RRP12: variants seen among roughly 807,000 people sequenced by gnomAD.
RRP12 encodes the protein ribosomal RNA processing 12 homolog.
RRP12 carries 78 observed loss-of-function variants against 157.3 expected under a neutral mutation model. The ratio of observed to expected loss-of-function variants is 0.50; its 90% CI spans 0.41 to 0.60. RRP12 has a LOEUF of 0.60. Ranked by LOEUF, RRP12 falls within the 20% of genes least tolerant of loss-of-function variation. RRP12 has a pLI of 0.00. For missense variants in RRP12, 1,521 were observed against 1,679.9 expected, an observed-to-expected ratio of 0.91 and a Z score of 1.65; for synonymous variants, 726 against 670.9, an observed-to-expected ratio of 1.08 and a Z score of -1.27.
chr10:97,364,646 C>T (rs1198597424), intron 29 of RRP12, among the ~76,000 whole-genome samples: 1 of 152,178 alleles, frequency 6.6e-6, no homozygotes, highest in Non-Finnish European at 1.5e-5. Flanking sequence ...AAACTCAGGA[C>T]ATGGAGACTG....
intron 29 of RRP12, among the ~76,000 whole-genome samples, chr10:97,364,328 T>C (rs1260816388): frequency 6.6e-6 from 1 of 152,156 alleles, no homozygotes; most frequent in Non-Finnish European, 1.5e-5. Context: ...CCATGCAGTA[T>C]GTGCTGGGCT....
In RRP12 at chr10:97,358,584, C is replaced by G. The variant is rs765329608; in HGVS notation, c.3744G>C (p.Pro1248=). 3.1e-6 allele frequency: 5 copies of G among 1,613,950 alleles called. No individual in the cohort carries two copies. Among genetic ancestry groups the G allele is most frequent in the Non-Finnish European group, 4.2e-6 (5 of 1,179,944 alleles). The change falls in exon 33 of 34, where the codon CCG becomes CCC. Residue 1248 remains proline, a synonymous_variant. Coordinates refer to ENST00000370992, the MANE Select transcript of RRP12 (RefSeq NM_015179.4). Reference sequence around the variant, plus strand: ...TGAGGGGGATGTAGGCATAGGGATCCGGCCGGCCTTTCTTCTTCACATCAC... The same window carrying G: ...TGAGGGGGATGTAGGCATAGGGATCGGGCCGGCCTTTCTTCTTCACATCAC... ...AKGDVKKKGR[P]DPYAYIPLNR... is the part of the protein sequence containing the mutation.
rs367901789 is a variant in RRP12 at position 97,373,666 on chromosome 10, C to G, written c.1935G>C (p.Arg645=). 1.4e-5 allele frequency: 23 copies of G among 1,613,838 alleles called. No individual in the cohort carries two copies. The African/African-American group carries it at 3.1e-4, about 22-fold the overall frequency. Residue 645 remains arginine, a synonymous_variant, in exon 17 of 34, where the codon CGG becomes CGC. Transcript: ENST00000370992. ...DVAISFKGLA[R]TLGMAISERP... is the part of the protein sequence containing the mutation. Reference sequence around the variant, plus strand: ...GCTCGCTGATGGCCATGCCCAGCGTCCGTGCCAGCCCTTTGAAGGAGATGG... The same window carrying G: ...GCTCGCTGATGGCCATGCCCAGCGTGCGTGCCAGCCCTTTGAAGGAGATGG...
intron 4 of RRP12, among the ~76,000 whole-genome samples, chr10:97,392,692 TCTA>T (rs1482852079): frequency 1.1e-4 from 15 of 134,608 alleles, no homozygotes; most frequent in Admixed American, 1.5e-4. Flanking sequence ...TCATTTTCTT[TCTA>T]TTTTTTTTTT....
At chr10:97,358,160 C>T (rs1316113016) in intron 33 of RRP12, among the ~76,000 whole-genome samples, 1 of 151,636 alleles carries the variant, frequency 6.6e-6, no homozygotes, top group African/African-American at 2.4e-5. Context: ...CGGTGAAACC[C>T]CATCTCTACT....
chr10:97,400,217 C>A, intron 2 of RRP12, 88 bp downstream of exon 2: 1 of 938,772 alleles, frequency 1.1e-6, no homozygotes, highest in Non-Finnish European at 1.7e-6. Context: ...CAGCTGTTGT[C>A]ATCGGAGACC....
rs1354913408 is a variant in RRP12, at chr10:97,383,023, A to C, written c.1209-1197T>G. On this transcript the variant is annotated intron_variant, in intron 10 of 33. Coordinates refer to ENST00000370992, the MANE Select transcript of RRP12 (RefSeq NM_015179.4). ...GTGATCTGCCCATCTCGGTCTCCTA[A>C]AGTGCTGGGATTATAAGCGTGAGCC... Among the ~76,000 whole-genome samples, 4 of 152,152 alleles carry C rather than the reference A, an allele frequency of 2.6e-5. No individual in the cohort carries two copies. The East Asian group carries it at 5.8e-4, about 22-fold the overall frequency.
In RRP12 at chr10:97,388,539, G is replaced by A. The variant is rs146832996; in HGVS notation, c.839C>T (p.Ala280Val). 625 of 1,614,226 alleles carry A rather than the reference G, an allele frequency of 3.9e-4. 2 individuals carry two copies. In the South Asian group the frequency reaches 5.4e-3, roughly 14 times the overall value. Residue 280 changes from alanine (A) to valine (V), a missense_variant, in exon 7 of 34, where the codon GCT (alanine) becomes GTT (valine). Ala to Val is a moderately conservative substitution (Grantham distance 64). Coordinates refer to ENST00000370992, the MANE Select transcript of RRP12 (RefSeq NM_015179.4). ...MFEKAPAHHP[A>V]AISTAKFCIQ... ...GCAGAACTTGGCAGTGGAAATGGCA[G>A]CAGGATGATGGGCAGGGGCCTTTTC...
intron 30 of RRP12, among the ~76,000 whole-genome samples, chr10:97,362,511 G>A (rs1187958357): frequency 6.6e-6 from 1 of 152,182 alleles, no homozygotes; most frequent in Non-Finnish European, 1.5e-5. Flanking sequence ...ACGTTTGGCA[G>A]ACGACTGCCA....
At chr10:97,383,781 A>C (rs1425860353) in intron 10 of RRP12, among the ~76,000 whole-genome samples, 1 of 152,198 alleles carries the variant, frequency 6.6e-6, no homozygotes, top group African/African-American at 2.4e-5. Context: ...CACAGAAAGG[A>C]TATCCCATGG....
At position 97,373,864 on chromosome 10, in the gene RRP12, A is replaced by G. The variant is rs753500274; in HGVS notation, c.1829T>C (p.Val610Ala). ...AMDLAQAGSTVESKIYDTLQW... is the reference protein window; with the variant it reads ...AMDLAQAGSTAESKIYDTLQW... ...GAGTGTGTCGTAGATCTTAGATTCC[A>G]CTGTGCTGCCTGCCTGAGCCAGGTC... The change falls in exon 16 of 34, where the codon GTG becomes GCG. Residue 610 changes from valine (V) to alanine (A), a missense_variant. Val to Ala is a moderately conservative substitution (Grantham distance 64). Transcript: ENST00000370992. 1 of 1,613,514 alleles carries G rather than the reference A, an allele frequency of 6.2e-7. No individual in the cohort carries two copies. The highest frequency in any genetic ancestry group is 1.7e-5 in the Admixed American group (1 of 59,986).
At chr10:97,384,064 C>T (rs1188437011) in intron 10 of RRP12, among the ~76,000 whole-genome samples, 1 of 146,170 alleles carries the variant, frequency 6.8e-6, no homozygotes, top group Non-Finnish European at 1.5e-5. Flanking sequence ...CTCCGGCTCA[C>T]GTCCCCTCCA....
chr10:97,384,786 C>T (rs568751380), intron 10 of RRP12, among the ~76,000 whole-genome samples: 29 of 148,580 alleles, frequency 2.0e-4, no homozygotes, highest in Non-Finnish European at 2.8e-4. Flanking sequence ...CCCCCAATCT[C>T]GGCAGCCTGG....
At chr10:97,391,793 C>T (rs1234399986) in intron 4 of RRP12, among the ~76,000 whole-genome samples, 1 of 151,792 alleles carries the variant, frequency 6.6e-6, no homozygotes. Flanking sequence ...TGGTGGCGGG[C>T]GCCTGTAGTC....
At chr10:97,372,593 A>C (rs1844187406) in intron 19 of RRP12, 143 bp downstream of exon 19, 1 of 721,744 alleles carries the variant, frequency 1.4e-6, no homozygotes, top group East Asian at 2.7e-5. Flanking sequence ...ACTAGTCAGC[A>C]CAGCCTCTCA....
rs371692236 is a variant in RRP12, at chr10:97,373,037, G to A, written c.2181+9C>T. The A allele has an allele frequency of 5.6e-5, 90 of 1,604,172 alleles. No homozygotes were observed. The highest frequency in any genetic ancestry group is 2.2e-4 in the South Asian group (20 of 90,352). On this transcript the variant is annotated intron_variant, in intron 18 of 33. Transcript: ENST00000370992. ...CCTCCTCCCTCCTTCCCTCCCTTCCGTGGCTCACCTGAGTGTCAGTGATGG... is the reference window on the plus strand; with the variant it reads ...CCTCCTCCCTCCTTCCCTCCCTTCCATGGCTCACCTGAGTGTCAGTGATGG...
intron 15 of RRP12, among the ~76,000 whole-genome samples, chr10:97,378,749 C>T (rs896503693): frequency 6.6e-6 from 1 of 151,840 alleles, no homozygotes; most frequent in African/African-American, 2.4e-5. Context: ...CCCAGCTACT[C>T]GGGAGGCTGA....
At chr10:97,387,605 A>C (rs1844670876) in intron 8 of RRP12, among the ~76,000 whole-genome samples, 1 of 151,584 alleles carries the variant, frequency 6.6e-6, no homozygotes, top group Admixed American at 6.6e-5. Context: ...AAATGGTAGA[A>C]ACACAGGAAA....
At position 97,362,283 on chromosome 10, in the gene RRP12, C is replaced by T. The variant is rs1440320556; in HGVS notation, c.3567+1571G>A. ...GCAGTGGGGGACATCCTTAGAAAGCCGTGGTCGGTTCTCCCCGGCCAGGGA... is the reference window on the plus strand; with the variant it reads ...GCAGTGGGGGACATCCTTAGAAAGCTGTGGTCGGTTCTCCCCGGCCAGGGA... On this transcript the variant is annotated intron_variant, in intron 30 of 33. Coordinates refer to ENST00000370992, the MANE Select transcript of RRP12 (RefSeq NM_015179.4). Among the ~76,000 whole-genome samples the T allele has an allele frequency of 4.6e-5, 7 of 152,200 alleles. 1 individual carries two copies. Among genetic ancestry groups the T allele is most frequent in the Non-Finnish European group, 8.8e-5 (6 of 68,010 alleles).
Sources: gnomAD v4.1 joint callset for allele counts (sites outside exome capture counted in the v4.1 genomes callset) on GRCh38, gnomAD v4.1.1 for gene constraint, MANE v1.5 for transcripts, NCBI Gene and HGNC (gene_info 2026-07-23, HGNC 2026-07-21) for gene names.